The following NEK11 variants were observed in gnomAD, a reference collection of about 807,000 sequenced individuals.
NEK11 encodes the protein serine/threonine-protein kinase Nek11.
NEK11 carries 72 observed loss-of-function variants against 80.7 expected under a neutral mutation model. The observed-to-expected ratio is 0.89, with a 90% CI of 0.74 to 1.08. The LOEUF (loss-of-function observed/expected upper bound fraction) is 1.08, where lower values mean the gene tolerates loss of function less well. Ranked by LOEUF, NEK11 falls within the 50% of genes least tolerant of loss-of-function variation. NEK11 has a pLI of 0.00. For missense variants in NEK11, 764 were observed against 763.6 expected, an observed-to-expected ratio of 1.00 and a Z score of -0.01; for synonymous variants, 251 against 260.7, an observed-to-expected ratio of 0.96 and a Z score of 0.36.
At chr3:131,341,911 C>G (rs1430875053) in intron 17 of NEK11, among the ~76,000 whole-genome samples, 1 of 152,110 alleles carries the variant, frequency 6.6e-6, no homozygotes, top group South Asian at 2.1e-4. Flanking sequence ...TGTAACAACA[C>G]CTAGCTGGAT....
At chr3:131,057,332 A>G (rs1435822096) in intron 3 of NEK11, among the ~76,000 whole-genome samples, 3 of 152,208 alleles carry the variant, frequency 2.0e-5, no homozygotes, top group African/African-American at 4.8e-5. Flanking sequence ...ATTGTGAATA[A>G]TGCCGCAGTA....
At chr3:131,107,654 T>C (rs1045129686) in intron 4 of NEK11, among the ~76,000 whole-genome samples, 9 of 151,820 alleles carry the variant, frequency 5.9e-5, no homozygotes, top group African/African-American at 2.2e-4. Context: ...CCTTCATATA[T>C]GCAGATTTCC....
chr3:131,337,843 G>A (rs1486997783), intron 17 of NEK11, among the ~76,000 whole-genome samples: 2 of 152,110 alleles, frequency 1.3e-5, no homozygotes, highest in Non-Finnish European at 2.9e-5. Context: ...TAACATCTGT[G>A]CCTCAGTTTC....
At chr3:131,123,218 G>A (rs1054860422) in intron 5 of NEK11, among the ~76,000 whole-genome samples, 1 of 152,074 alleles carries the variant, frequency 6.6e-6, no homozygotes, top group Admixed American at 6.5e-5. Context: ...TCAGGGTGGA[G>A]TGCAATGGCA....
chr3:131,108,125 G>A (rs538242752), intron 4 of NEK11, among the ~76,000 whole-genome samples: 1 of 152,128 alleles, frequency 6.6e-6, no homozygotes, highest in Admixed American at 6.5e-5. Context: ...GGCTGCTAGT[G>A]AATGTTTGCT....
At position 131,116,025 on chromosome 3, in the gene NEK11, G is replaced by A. The variant is rs186834751; in HGVS notation, c.455+6104G>A. Among the ~76,000 whole-genome samples, 67 of 135,800 alleles carry A rather than the reference G, an allele frequency of 4.9e-4. 1 individual carries two copies. The East Asian group carries it at 9.0e-3, about 18-fold the overall frequency. 89.1% of individuals were successfully genotyped at this position (135,800 alleles called of 152,430 possible). On this transcript the variant is annotated intron_variant, in intron 5 of 17. Transcript: ENST00000383366. ...AAGTTCTAGGATACATGTACACAAC[G>A]TGCAGGTTTGTTACATATGTATACA... is the stretch of plus-strand genomic sequence containing the variant.
Position 131,056,188 on chromosome 3 carries a change from C to T in NEK11, c.171-24235C>T, listed in dbSNP as rs149165060. Among the ~76,000 whole-genome samples, 1,403 of 152,258 alleles carry T rather than the reference C, an allele frequency of 9.2e-3. 18 individuals carry two copies. The highest frequency in any genetic ancestry group is 0.031 in the African/African-American group (1,288 of 41,546). On this transcript the variant is annotated intron_variant, in intron 3 of 17. Coordinates refer to ENST00000383366, the MANE Select transcript of NEK11 (RefSeq NM_024800.5). Reference sequence around the variant, plus strand: ...CTGGGCTGGTTCTGTCTGTCTCTGCCTCATTGTGTGTTTCTGCTCTGCTGA... The same window carrying T: ...CTGGGCTGGTTCTGTCTGTCTCTGCTTCATTGTGTGTTTCTGCTCTGCTGA...
intron 16 of NEK11, among the ~76,000 whole-genome samples, chr3:131,266,680 C>T (rs2096065663): frequency 7.9e-5 from 12 of 152,162 alleles, no homozygotes. Context: ...AATGTATATT[C>T]TGTTGATTTC....
chr3:131,090,846 C>A (rs2149142151), intron 4 of NEK11, among the ~76,000 whole-genome samples: 1 of 152,212 alleles, frequency 6.6e-6, no homozygotes, highest in Admixed American at 6.5e-5. Flanking sequence ...CTCACTGCAG[C>A]CTCAATCTCC....
At chr3:131,202,513 G>A (rs771680399) in intron 14 of NEK11, among the ~76,000 whole-genome samples, 66 of 152,134 alleles carry the variant, frequency 4.3e-4, no homozygotes, top group African/African-American at 4.8e-4. Flanking sequence ...ATCAAACTGC[G>A]AGGTGGCAAG....
chr3:131,057,810 T>C (rs1245646725), intron 3 of NEK11, among the ~76,000 whole-genome samples: 2 of 152,130 alleles, frequency 1.3e-5, no homozygotes, highest in East Asian at 3.8e-4. Flanking sequence ...ATGAGTAGGT[T>C]GCAAAAATTT....
rs755449405 is a variant in NEK11 at position 131,155,042 on chromosome 3, ATGT to A, written c.884_886del (p.Met295_Cys296delinsSer). 6.3e-7 allele frequency: 1 copy of A among 1,599,708 alleles called. No homozygotes were observed. Among genetic ancestry groups the A allele is most frequent in the Non-Finnish European group, 8.6e-7 (1 of 1,166,972 alleles). ...GGGTTGATCTTTTTTTCAGAACCTAATGTGTAGATATTCAGAAATGACTCTGGA... is the reference window on the plus strand; with the variant it reads ...GGGTTGATCTTTTTTTCAGAACCTAAGTAGATATTCAGAAATGACTCTGGA... On this transcript the variant is annotated inframe_deletion, in exon 10 of 18. Transcript: ENST00000383366.
chr3:131,082,642 C>T (rs1241745716), intron 4 of NEK11, among the ~76,000 whole-genome samples: 2 of 152,018 alleles, frequency 1.3e-5, no homozygotes, highest in Non-Finnish European at 2.9e-5. Context: ...TCCTCGCTAC[C>T]GTATTAGACA....
At chr3:131,222,474 C>A (rs935889416) in intron 14 of NEK11, among the ~76,000 whole-genome samples, 1 of 151,978 alleles carries the variant, frequency 6.6e-6, no homozygotes, top group African/African-American at 2.4e-5. Flanking sequence ...TTGTTCTTTT[C>A]TATCAACAAA....
chr3:131,173,034 G>T (rs2092787289), intron 14 of NEK11, among the ~76,000 whole-genome samples: 1 of 152,170 alleles, frequency 6.6e-6, no homozygotes, highest in East Asian at 1.9e-4. Context: ...CTAAAAGTAG[G>T]ATGAATCCTC....
At position 131,109,900 on chromosome 3, in the gene NEK11, G is replaced by A. The variant is rs2079812132; in HGVS notation, c.434G>A (p.Gly145Glu). ...GAATGGTTTATCCAGCTGCTGCTGG[G>A]AGTTGACTACATGCATGAGAGGTAT... ...IIEWFIQLLL[G>E]VDYMHERRIL... is the part of the protein sequence containing the mutation. The change falls in exon 5 of 18, where the codon GGA (glycine) becomes GAA (glutamate). Residue 145 changes from glycine (G) to glutamate (E), a missense_variant. Coordinates refer to ENST00000383366, the MANE Select transcript of NEK11 (RefSeq NM_024800.5). The A allele has an allele frequency of 6.2e-7, 1 of 1,600,400 alleles. No homozygotes were observed. Among genetic ancestry groups the A allele is most frequent in the Non-Finnish European group, 8.5e-7 (1 of 1,174,800 alleles).
At chr3:131,190,325 T>C (rs2093746875) in intron 14 of NEK11, among the ~76,000 whole-genome samples, 1 of 152,054 alleles carries the variant, frequency 6.6e-6, no homozygotes, top group African/African-American at 2.4e-5. Flanking sequence ...CGATGGAAAA[T>C]AAACAGACAA....
chr3:131,043,825 G>C (rs898440830), intron 3 of NEK11, among the ~76,000 whole-genome samples: 7 of 152,096 alleles, frequency 4.6e-5, no homozygotes, highest in African/African-American at 1.4e-4. Context: ...GATTCACCAA[G>C]GTTGAAATGA....
rs778563549 is a variant in NEK11 at position 131,228,685 on chromosome 3, A to AGT, written c.1557_1558insGT (p.Gln520ValfsTer22). On this transcript the variant is annotated frameshift_variant, in exon 15 of 18. Coordinates refer to ENST00000383366, the MANE Select transcript of NEK11 (RefSeq NM_024800.5). LOFTEE classifies it high-confidence loss of function. ...CCCAGCCTGCTTACAGAACAAACCA[A>AGT]CAGGTATGTAATGCTCCCTGTCGGA... 6.2e-7 allele frequency: 1 copy of AGT among 1,611,724 alleles called. No individual in the cohort carries two copies.
Sources: allele counts gnomAD v4.1 joint callset (sites outside exome capture counted in the v4.1 genomes callset), GRCh38; gene constraint gnomAD v4.1.1; transcripts MANE v1.5; gene names NCBI Gene and HGNC (gene_info 2026-07-23, HGNC 2026-07-21).